SORCS2: variants seen among roughly 807,000 people sequenced by gnomAD.
SORCS2 encodes the protein sortilin related VPS10 domain containing receptor 2, also known as VPS10 domain-containing receptor SorCS2.
SORCS2 carries 100 observed loss-of-function variants against 141.6 expected under a neutral mutation model. The ratio of observed to expected loss-of-function variants is 0.71; its 90% confidence interval spans 0.60 to 0.83. SORCS2 has a LOEUF of 0.83. Ranked by LOEUF, SORCS2 falls within the 40% of genes least tolerant of loss-of-function variation. The pLI, the probability that SORCS2 is intolerant of heterozygous loss-of-function variation, is 0.00. For missense variants in SORCS2, 1,646 were observed against 1,560.2 expected (o/e 1.05, Z -0.93); for synonymous variants, 789 against 676.9 (o/e 1.17, Z -2.57).
intron 2 of SORCS2, among the ~76,000 whole-genome samples, chr4:7,486,865 A>T (rs942175651): frequency 5.3e-5 from 8 of 152,110 alleles, no homozygotes; most frequent in African/African-American, 1.9e-4. Flanking sequence ...CCATGATATA[A>T]TCTCATCATT....
intron 2 of SORCS2, among the ~76,000 whole-genome samples, chr4:7,486,820 C>T (rs1731019118): frequency 6.6e-6 from 1 of 152,176 alleles, no homozygotes; most frequent in Admixed American, 6.5e-5. Flanking sequence ...CTCGTGAGGA[C>T]ACATGTGCTT....
intron 1 of SORCS2, among the ~76,000 whole-genome samples, chr4:7,296,918 C>G (rs1015354937): frequency 3.9e-5 from 6 of 152,200 alleles, no homozygotes; most frequent in African/African-American, 1.4e-4. Context: ...GGTCCGCGTG[C>G]CCGGCCTGGT....
chr4:7,222,775 T>C (rs1728786602), intron 1 of SORCS2, among the ~76,000 whole-genome samples: 1 of 151,760 alleles, frequency 6.6e-6, no homozygotes, highest in Non-Finnish European at 1.5e-5. Flanking sequence ...GGCGTACAGA[T>C]CTGTGTGGGG....
intron 3 of SORCS2, among the ~76,000 whole-genome samples, chr4:7,544,262 A>T (rs1384020838): frequency 1.3e-5 from 2 of 152,224 alleles, no homozygotes. Context: ...TCCCATGGCC[A>T]TCTATGCTGC....
At chr4:7,329,212 C>T (rs1380318455) in intron 1 of SORCS2, among the ~76,000 whole-genome samples, 2 of 152,202 alleles carry the variant, frequency 1.3e-5, no homozygotes, top group East Asian at 3.9e-4. Context: ...GCCCACAGAG[C>T]CCTGGCTTAC....
At chr4:7,384,867 C>T (rs868802442) in intron 1 of SORCS2, among the ~76,000 whole-genome samples, 1 of 152,366 alleles carries the variant, frequency 6.6e-6, no homozygotes, top group South Asian at 2.1e-4. Context: ...TGCCTGAGGG[C>T]AGGGGGCGCG....
chr4:7,474,291 G>A (rs139416560), intron 2 of SORCS2, among the ~76,000 whole-genome samples: 13 of 152,364 alleles, frequency 8.5e-5, no homozygotes, highest in Non-Finnish European at 1.0e-4. Context: ...TGAGGTCAGC[G>A]GGCAGAGCCC....
At chr4:7,330,933 C>T (rs1719618310) in intron 1 of SORCS2, among the ~76,000 whole-genome samples, 2 of 152,260 alleles carry the variant, frequency 1.3e-5, no homozygotes, top group South Asian at 4.1e-4. Flanking sequence ...GTGAACAAGG[C>T]TCGCTGCCAC....
At chr4:7,682,135 T>C (rs1723560999) in intron 9 of SORCS2, among the ~76,000 whole-genome samples, 1 of 152,178 alleles carries the variant, frequency 6.6e-6, no homozygotes. Flanking sequence ...TATGTTTGGG[T>C]CACTGCCATG....
chr4:7,409,903 G>A (rs536329420), intron 2 of SORCS2, among the ~76,000 whole-genome samples: 6 of 152,312 alleles, frequency 3.9e-5, no homozygotes, highest in Admixed American at 1.3e-4. Context: ...TTTTGGAACC[G>A]GAAGTCTCCT....
At chr4:7,242,885 G>A (rs978702530) in intron 1 of SORCS2, among the ~76,000 whole-genome samples, 8 of 152,218 alleles carry the variant, frequency 5.3e-5, no homozygotes, top group South Asian at 2.1e-4. Flanking sequence ...CCAAGTTGCC[G>A]TCACAATCGC....
At chr4:7,367,727 G>A (rs1721988984) in intron 1 of SORCS2, among the ~76,000 whole-genome samples, 1 of 152,242 alleles carries the variant, frequency 6.6e-6, no homozygotes, top group Non-Finnish European at 1.5e-5. Context: ...TTATGGGTCT[G>A]TGAAAGCGTG....
chr4:7,255,514 C>A (rs1176066138), intron 1 of SORCS2, among the ~76,000 whole-genome samples: 1 of 152,020 alleles, frequency 6.6e-6, no homozygotes, highest in African/African-American at 2.4e-5. Context: ...GGGTCCAGCC[C>A]TTCTGAGTGG....
intron 7 of SORCS2, among the ~76,000 whole-genome samples, chr4:7,665,139 A>C (rs77462646): frequency 0.048 from 7,296 of 152,176 alleles, 542 homozygotes; most frequent in African/African-American, 0.16. Flanking sequence ...GTTTCCCCCA[A>C]GGAAGCCCCT....
intron 2 of SORCS2, among the ~76,000 whole-genome samples, chr4:7,493,413 C>T (rs1040524999): frequency 5.3e-5 from 8 of 152,106 alleles, no homozygotes; most frequent in Admixed American, 1.3e-4. Context: ...AGCAGCTTCC[C>T]GAGGCCTGGA....
chr4:7,626,796 G>T (rs1271904493), intron 3 of SORCS2, among the ~76,000 whole-genome samples: 1 of 151,984 alleles, frequency 6.6e-6, no homozygotes, highest in East Asian at 1.9e-4. Flanking sequence ...ATCCTGTCCC[G>T]TCTTGTCCTG....
At chr4:7,314,559 T>G (rs112158488) in intron 1 of SORCS2, among the ~76,000 whole-genome samples, 32,119 of 152,098 alleles carry the variant, frequency 0.21, 4,323 homozygotes, top group South Asian at 0.43. Context: ...CAGGATGTTC[T>G]CCATCTCCTG....
rs115553465 is a variant in SORCS2, at chr4:7,546,776, A to G, written c.648+15147A>G. On this transcript the variant is annotated intron_variant, in intron 3 of 26. Transcript: ENST00000507866. ...CCCTGTTAAGCAAGAAGTGGGATTT[A>G]AGGGAGCTCCCTCTGATAGGCTGTG... is the stretch of plus-strand genomic sequence containing the variant. Among the ~76,000 whole-genome samples, 465 of 152,292 alleles carry G rather than the reference A, an allele frequency of 3.1e-3. 4 individuals carry two copies. Among genetic ancestry groups the G allele is most frequent in the African/African-American group, 0.011 (445 of 41,568 alleles).
chr4:7,347,483 G>A (rs758799980), intron 1 of SORCS2, among the ~76,000 whole-genome samples: 8 of 152,200 alleles, frequency 5.3e-5, no homozygotes, highest in Non-Finnish European at 1.0e-4. Context: ...GACCCAGTGA[G>A]GCATAGGGAC....
Sources: allele counts gnomAD v4.1 joint callset (sites outside exome capture counted in the v4.1 genomes callset), GRCh38; gene constraint gnomAD v4.1.1; transcripts MANE v1.5; gene names NCBI Gene and HGNC (gene_info 2026-07-23, HGNC 2026-07-21).